LRMDA: variants seen among roughly 807,000 people sequenced by gnomAD.
The protein encoded by LRMDA is leucine-rich melanocyte differentiation-associated protein.
Under a neutral mutation model 29.8 loss-of-function variants are expected in LRMDA, and 18 were observed. The ratio of observed to expected loss-of-function variants is 0.60; its 90% CI spans 0.42 to 0.90. LRMDA has a LOEUF of 0.90. LRMDA is among the 40% of genes least tolerant of loss of function. The pLI, the probability that LRMDA is intolerant of heterozygous loss-of-function variation, is 0.00. For synonymous variants in LRMDA, 125 were observed against 109.4 expected (o/e 1.14, Z -0.89); for missense variants, 273 against 273.9 (o/e 1.00, Z 0.02).
At chr10:76,465,459 A>G (rs917215267) in intron 6 of LRMDA, among the ~76,000 whole-genome samples, 2 of 152,132 alleles carry the variant, frequency 1.3e-5, no homozygotes, top group African/African-American at 2.4e-5. Flanking sequence ...TTTGTTCCCG[A>G]GACACTTGGT....
At chr10:75,835,721 T>C (rs1844422682) in intron 2 of LRMDA, among the ~76,000 whole-genome samples, 1 of 152,162 alleles carries the variant, frequency 6.6e-6, no homozygotes, top group African/African-American at 2.4e-5. Flanking sequence ...AGTTGTAAAG[T>C]GAGGGGATTA....
chr10:76,057,367 A>G (rs547656336), intron 4 of LRMDA, among the ~76,000 whole-genome samples: 1 of 152,352 alleles, frequency 6.6e-6, no homozygotes, highest in African/African-American at 2.4e-5. Flanking sequence ...GTAGGTGATC[A>G]AGAAATATCT....
chr10:76,074,068 A>G (rs1248942415), intron 5 of LRMDA, among the ~76,000 whole-genome samples: 2 of 152,230 alleles, frequency 1.3e-5, no homozygotes, highest in Admixed American at 1.3e-4. Context: ...TGGGGAGGAA[A>G]AAAAGAGAAA....
At chr10:75,961,726 T>C (rs1846769902) in intron 2 of LRMDA, among the ~76,000 whole-genome samples, 1 of 152,182 alleles carries the variant, frequency 6.6e-6, no homozygotes, top group Admixed American at 6.5e-5. Flanking sequence ...ACTAATGCTT[T>C]CCTCTAAAGT....
chr10:76,188,396 G>A (rs1030259798), intron 5 of LRMDA, among the ~76,000 whole-genome samples: 4 of 152,208 alleles, frequency 2.6e-5, no homozygotes, highest in Non-Finnish European at 5.9e-5. Flanking sequence ...TGAGGTGATG[G>A]TGAGAAAAAC....
intron 6 of LRMDA, among the ~76,000 whole-genome samples, chr10:76,489,019 C>G (rs1328707477): frequency 6.6e-6 from 1 of 151,662 alleles, no homozygotes; most frequent in Non-Finnish European, 1.5e-5. Context: ...AGAATTGATA[C>G]CAGAATTAGC....
chr10:76,307,510 G>A (rs549707131), intron 5 of LRMDA, among the ~76,000 whole-genome samples: 1 of 152,270 alleles, frequency 6.6e-6, no homozygotes, highest in South Asian at 2.1e-4. Flanking sequence ...ACCTAACTCT[G>A]TGGAACCACC....
intron 2 of LRMDA, among the ~76,000 whole-genome samples, chr10:75,446,297 C>T (rs1358626821): frequency 6.6e-6 from 1 of 152,206 alleles, no homozygotes; most frequent in African/African-American, 2.4e-5. Context: ...GTGTTGAGTG[C>T]TGTGTGTAAT....
At chr10:76,063,511 T>G (rs1848736349) in intron 5 of LRMDA, among the ~76,000 whole-genome samples, 1 of 152,152 alleles carries the variant, frequency 6.6e-6, no homozygotes, top group South Asian at 2.1e-4. Context: ...TGTTGTAGCT[T>G]GTATATTTGT....
intron 2 of LRMDA, among the ~76,000 whole-genome samples, chr10:75,755,472 C>A (rs1167121790): frequency 6.6e-6 from 1 of 152,212 alleles, no homozygotes; most frequent in Non-Finnish European, 1.5e-5. Context: ...CTAACGGCAA[C>A]ATGCATTCTA....
chr10:75,655,483 G>T (rs889906455), intron 2 of LRMDA, among the ~76,000 whole-genome samples: 3 of 152,216 alleles, frequency 2.0e-5, no homozygotes, highest in Non-Finnish European at 4.4e-5. Flanking sequence ...GGAGACCATC[G>T]CATGGTCTAT....
intron 5 of LRMDA, among the ~76,000 whole-genome samples, chr10:76,318,141 C>T (rs760908641): frequency 6.6e-6 from 1 of 152,202 alleles, no homozygotes; most frequent in African/African-American, 2.4e-5. Flanking sequence ...TTTGGAACCA[C>T]TGCTCTAGAT....
intron 2 of LRMDA, among the ~76,000 whole-genome samples, chr10:75,701,746 T>C (rs1469858423): frequency 2.6e-5 from 4 of 152,158 alleles, no homozygotes; most frequent in African/African-American, 7.2e-5. Flanking sequence ...GGAAATCTTC[T>C]TGTGCAGTGG....
chr10:75,780,260 T>A (rs911617205), intron 2 of LRMDA, among the ~76,000 whole-genome samples: 1 of 152,166 alleles, frequency 6.6e-6, no homozygotes, highest in African/African-American at 2.4e-5. Context: ...GGGAGATCTA[T>A]ACTGTGAAGT....
At chr10:75,621,516 C>T (rs577231465) in intron 2 of LRMDA, among the ~76,000 whole-genome samples, 8 of 152,300 alleles carry the variant, frequency 5.3e-5, no homozygotes, top group South Asian at 4.1e-4. Context: ...TCCCAGGAAG[C>T]TATTCCTTTT....
At chr10:75,436,577 C>T (rs1844266380) in intron 1 of LRMDA, among the ~76,000 whole-genome samples, 1 of 152,006 alleles carries the variant, frequency 6.6e-6, no homozygotes, top group South Asian at 2.1e-4. Context: ...ACACCATTCT[C>T]CTACCCTAGC....
chr10:76,179,681 C>T lies in LRMDA; in HGVS notation c.516+120898C>T, dbSNP rs11812429. Among the ~76,000 whole-genome samples, 981 of 152,202 alleles carry T rather than the reference C, an allele frequency of 6.4e-3. 12 individuals carry two copies. The highest frequency in any genetic ancestry group is 0.022 in the African/African-American group (906 of 41,528). ...TTGCTAAGGGCACAGCTAGAATCCA[C>T]GGACATATTTATATGAAGAGCGAGT... On this transcript the variant is annotated intron_variant, in intron 5 of 6. Transcript: ENST00000611255.
intron 2 of LRMDA, among the ~76,000 whole-genome samples, chr10:75,828,191 A>G (rs768880536): frequency 2.0e-5 from 3 of 152,190 alleles, no homozygotes; most frequent in Non-Finnish European, 4.4e-5. Context: ...ATTATTTAGA[A>G]CGACCCCAAA....
intron 4 of LRMDA, among the ~76,000 whole-genome samples, chr10:76,057,595 A>G (rs566465900): frequency 1.3e-5 from 2 of 152,230 alleles, no homozygotes; most frequent in Non-Finnish European, 2.9e-5. Flanking sequence ...GGAGAAAGCA[A>G]TGAAGGGTGG....
Sources: allele counts gnomAD v4.1 joint callset (sites outside exome capture counted in the v4.1 genomes callset), GRCh38; gene constraint gnomAD v4.1.1; transcripts MANE v1.5; gene names NCBI Gene and HGNC (gene_info 2026-07-23, HGNC 2026-07-21).